Variants in SHISAL1 observed in about 807,000 individuals in gnomAD.
SHISAL1 encodes the protein shisa like 1, also known as protein shisa-like-1.
Under a neutral mutation model 22.6 loss-of-function variants are expected in SHISAL1, and 9 were observed. The observed-to-expected ratio is 0.40, with a 90% CI of 0.24 to 0.70. SHISAL1 has a LOEUF of 0.70. Among genes scored for constraint, SHISAL1 ranks in the 30% least tolerant of loss-of-function variants. SHISAL1 has a pLI of 0.39. For missense variants in SHISAL1, 246 were observed against 270.6 expected (o/e 0.91, Z 0.64); for synonymous variants, 119 against 115.4 (o/e 1.03, Z -0.20).
chr22:44,262,437 C>T (rs2055131503), intron 4 of SHISAL1, among the ~76,000 whole-genome samples: 1 of 152,212 alleles, frequency 6.6e-6, no homozygotes, highest in Non-Finnish European at 1.5e-5. Context: ...ATTAGGGCTG[C>T]AGGGTACTGA....
chr22:44,308,121 ATG>A (rs2055492288), intron 1 of SHISAL1, among the ~76,000 whole-genome samples: 1 of 152,110 alleles, frequency 6.6e-6, no homozygotes, highest in African/African-American at 2.4e-5. Context: ...ACCACATCCC[ATG>A]TGACCTGGGG....
chr22:44,301,022 C>T (rs529367276), intron 1 of SHISAL1, 45 bp from the exon 2 acceptor site: 3 of 1,359,072 alleles, frequency 2.2e-6, no homozygotes, highest in East Asian at 4.8e-5. Flanking sequence ...GCTGTCTCGC[C>T]TGACACTGGC....
chr22:44,300,842 G>A (rs1279088738), intron 2 of SHISAL1, 37 bp downstream of exon 2: 7 of 1,581,434 alleles, frequency 4.4e-6, no homozygotes, highest in Non-Finnish European at 6.1e-6. Flanking sequence ...ACACCCCCAC[G>A]TGCCGCCCCC....
At chr22:44,259,985 C>T (rs144552842) in intron 4 of SHISAL1, among the ~76,000 whole-genome samples, 1 of 152,150 alleles carries the variant, frequency 6.6e-6, no homozygotes, top group Non-Finnish European at 1.5e-5. Flanking sequence ...AACCAGGCAC[C>T]CTCTGGGATT....
At chr22:44,290,505 G>A (rs189011248) in intron 3 of SHISAL1, among the ~76,000 whole-genome samples, 2 of 147,472 alleles carry the variant, frequency 1.4e-5, no homozygotes, top group East Asian at 2.0e-4. Context: ...CTCCAGCCTG[G>A]GCAACAAGAG....
At chr22:44,255,691 T>G (rs6006712) in intron 4 of SHISAL1, among the ~76,000 whole-genome samples, 17,303 of 152,190 alleles carry the variant, frequency 0.11, 1,000 homozygotes, top group East Asian at 0.12. Flanking sequence ...TGAGAAAACC[T>G]AAGTCCAATT....
At chr22:44,300,220 C>G (rs1433508545) in intron 2 of SHISAL1, among the ~76,000 whole-genome samples, 1 of 151,708 alleles carries the variant, frequency 6.6e-6, no homozygotes, top group Admixed American at 6.6e-5. Context: ...CAGAGACAGA[C>G]AGAAAGACAG....
the SHISAL1 span, among the ~76,000 whole-genome samples, chr22:44,327,062 G>C: frequency 1.3e-5 from 2 of 152,050 alleles, no homozygotes; most frequent in Non-Finnish European, 2.9e-5. Flanking sequence ...AGCCCTCTCT[G>C]GGCCTCAGTG....
At chr22:44,268,647 G>A (rs909691515) in intron 4 of SHISAL1, among the ~76,000 whole-genome samples, 4 of 152,350 alleles carry the variant, frequency 2.6e-5, no homozygotes, top group African/African-American at 9.6e-5. Flanking sequence ...TGCTGCAAGT[G>A]GGCAGCAGGG....
At position 44,285,736 on chromosome 22, in the gene SHISAL1, G is replaced by C; in HGVS notation, c.291C>G (p.Thr97=). The C allele has an allele frequency of 1.2e-6, 2 of 1,609,156 alleles. No individual in the cohort carries two copies. The highest frequency in any genetic ancestry group is 1.7e-6 in the Non-Finnish European group (2 of 1,176,046). ...CATAGATCCACACTCCCAACAAGGCGGTGTAATTGCTGCGAACAAACAGAG... is the reference window on the plus strand; with the variant it reads ...CATAGATCCACACTCCCAACAAGGCCGTGTAATTGCTGCGAACAAACAGAG... ...SSEGYMHNNY[T]ALLGVWIYGF... Residue 97 remains threonine (T), a synonymous_variant, in exon 4 of 5, where the codon ACC becomes ACG. Coordinates refer to ENST00000381176, the MANE Select transcript of SHISAL1 (RefSeq NM_001099294.2).
chr22:44,309,018 C>T (rs576285371), intron 1 of SHISAL1, among the ~76,000 whole-genome samples: 2 of 152,344 alleles, frequency 1.3e-5, no homozygotes, highest in Admixed American at 1.3e-4. Context: ...CCCAGCTGGT[C>T]CTGCCCGTGG....
the SHISAL1 span, among the ~76,000 whole-genome samples, chr22:44,319,646 C>T: frequency 1.3e-5 from 2 of 152,238 alleles, no homozygotes; most frequent in Non-Finnish European, 2.9e-5. Context: ...CACACCACAG[C>T]GGAGAGGGAA....
intron 2 of SHISAL1, among the ~76,000 whole-genome samples, chr22:44,299,113 G>A (rs1286390722): frequency 6.6e-6 from 1 of 152,210 alleles, no homozygotes; most frequent in Admixed American, 6.5e-5. Context: ...GAGGCTGTGT[G>A]TGCACTAGGG....
intron 3 of SHISAL1, among the ~76,000 whole-genome samples, chr22:44,294,034 G>A (rs2055370135): frequency 6.6e-6 from 1 of 152,252 alleles, no homozygotes; most frequent in Non-Finnish European, 1.5e-5. Flanking sequence ...CCTTGGAGAA[G>A]TCTGGTTGTT....
chr22:44,288,500 G>A (rs971932332), intron 3 of SHISAL1, among the ~76,000 whole-genome samples: 2 of 152,174 alleles, frequency 1.3e-5, no homozygotes, highest in Non-Finnish European at 2.9e-5. Context: ...AAGTTGCTGG[G>A]TGTGGTGGCG....
chr22:44,266,178 G>A (rs2055159706), intron 4 of SHISAL1, among the ~76,000 whole-genome samples: 1 of 152,206 alleles, frequency 6.6e-6, no homozygotes, highest in South Asian at 2.1e-4. Context: ...TCTGCTACAT[G>A]TGAGGACATG....
chr22:44,317,227 G>C (rs530810899), upstream of SHISAL1, among the ~76,000 whole-genome samples: 7 of 152,172 alleles, frequency 4.6e-5, no homozygotes, highest in Non-Finnish European at 1.0e-4. Context: ...ATTCAGCTCC[G>C]AGAGCCGGGC....
At chr22:44,264,703 G>T (rs1181470638) in intron 4 of SHISAL1, among the ~76,000 whole-genome samples, 1 of 152,088 alleles carries the variant, frequency 6.6e-6, no homozygotes, top group Non-Finnish European at 1.5e-5. Flanking sequence ...TGTGACCTTG[G>T]GTGAGGTCCC....
At chr22:44,281,371 T>A (rs2055275449) in intron 4 of SHISAL1, among the ~76,000 whole-genome samples, 1 of 151,844 alleles carries the variant, frequency 6.6e-6, no homozygotes, top group Non-Finnish European at 1.5e-5. Context: ...TGAGGTCAGG[T>A]CGGGGATTGG....
Sources: gnomAD v4.1 joint callset for allele counts (sites outside exome capture counted in the v4.1 genomes callset) on GRCh38, gnomAD v4.1.1 for gene constraint, MANE v1.5 for transcripts, NCBI Gene and HGNC (gene_info 2026-07-23, HGNC 2026-07-21) for gene names.